ADGRF1: variants seen among roughly 807,000 people sequenced by gnomAD.
ADGRF1 encodes adhesion G protein-coupled receptor F1.
Under a neutral mutation model 87.2 loss-of-function variants are expected in ADGRF1, and 85 were observed. That is an observed-to-expected ratio of 0.97 (90% CI 0.82 to 1.17). The LOEUF (loss-of-function observed/expected upper bound fraction) is 1.17. ADGRF1 is among the 50% of genes most tolerant of loss of function. The pLI is 0.00. For synonymous variants in ADGRF1, 430 were observed against 408.8 expected (o/e 1.05, Z -0.63); for missense variants, 1,169 against 1,077.2 (o/e 1.09, Z -1.19).
At position 47,022,052 on chromosome 6, in the gene ADGRF1, C is replaced by T. The variant is rs1780073795; in HGVS notation, c.458G>A (p.Trp153Ter). The T allele has an allele frequency of 1.3e-6, 2 of 1,547,972 alleles. No homozygotes were observed. Among genetic ancestry groups the T allele is most frequent in the Non-Finnish European group, 1.8e-6 (2 of 1,141,732 alleles). ...CCTTTCATTAATTTTGAAAGTGCCC[C>T]AAATCTCTGTAGGAAATAAAAATAA... is the stretch of plus-strand genomic sequence containing the variant. ...SVNFCERTKI[W>*]GTFKINERFT... The change falls in exon 6 of 15, where the codon TGG (tryptophan) becomes TAG (stop). Residue 153 changes from tryptophan to a stop codon, truncating the protein, a stop_gained. Transcript: ENST00000371253. LOFTEE classifies it high-confidence loss of function.
At chr6:47,022,811 T>C (rs1780101754) in intron 5 of ADGRF1, among the ~76,000 whole-genome samples, 1 of 148,754 alleles carries the variant, frequency 6.7e-6, no homozygotes, top group Non-Finnish European at 1.5e-5. Flanking sequence ...TTTCTTTTTT[T>C]TTTTTTTTTT....
In ADGRF1 at chr6:47,005,860, A is replaced by C. The variant is rs1299010776; in HGVS notation, c.2549T>G (p.Phe850Cys). The change falls in exon 13 of 15, where the codon TTC becomes TGC. Residue 850 changes from phenylalanine to cysteine, a missense_variant. By Grantham distance (205) the Phe-to-Cys change is radical. Coordinates refer to ENST00000371253, the MANE Select transcript of ADGRF1 (RefSeq NM_153840.4). ...LLDSKLRQLL[F>C]NKLSALSSWK... ...AGAACTTAAGGCAGACAACTTGTTG[A>C]ACAGAAGTTGTCGCAGCTATAAGGG... 6.2e-7 allele frequency: 1 copy of C among 1,611,940 alleles called. No individual in the cohort carries two copies. The highest frequency in any genetic ancestry group is 8.5e-7 in the Non-Finnish European group (1 of 1,178,814).
intron 1 of ADGRF1, among the ~76,000 whole-genome samples, chr6:47,037,902 C>T (rs530033363): frequency 3.3e-5 from 5 of 152,128 alleles, no homozygotes; most frequent in Non-Finnish European, 1.5e-5. Flanking sequence ...GCCCTGTCAC[C>T]CAGGCTGGAG....
At chr6:47,018,533 T>C in intron 7 of ADGRF1, 2 of 1,289,782 alleles carry the variant, frequency 1.6e-6, no homozygotes, top group Non-Finnish European at 2.0e-6. Context: ...CTGCTTGTTA[T>C]AGGTTTGATT....
chr6:47,013,463 G>A, intron 9 of ADGRF1: 1 of 985,392 alleles, frequency 1.0e-6, no homozygotes, highest in East Asian at 1.1e-4. Context: ...AGCAGCAGAA[G>A]CAAGGTCTCT....
Position 47,009,715 on chromosome 6 carries a change from A to T in ADGRF1, c.1720T>A (p.Ser574Thr), listed in dbSNP as rs772183083. 6.2e-7 allele frequency: 1 copy of T among 1,614,208 alleles called. No individual in the cohort carries two copies. Among genetic ancestry groups the T allele is most frequent in the Non-Finnish European group, 8.5e-7 (1 of 1,180,034 alleles). ...AAGATTGTAGAGGGGACAAAAGGTGACATCAATATGGAGAAGGAGGTCAAG... is the reference window on the plus strand; with the variant it reads ...AAGATTGTAGAGGGGACAAAAGGTGTCATCAATATGGAGAAGGAGGTCAAG... ...THLTSFSILM[S>T]PFVPSTIFPV... Residue 574 changes from serine (S) to threonine (T), a missense_variant, in exon 11 of 15, where the codon TCA becomes ACA. By Grantham distance (58) the Ser-to-Thr change is moderately conservative. Transcript: ENST00000371253.
At chr6:47,024,020 C>A in intron 5 of ADGRF1, 24 bp downstream of exon 5, 1 of 1,606,294 alleles carries the variant, frequency 6.2e-7, no homozygotes, top group Non-Finnish European at 8.5e-7. Flanking sequence ...GAAGCCCCAG[C>A]CCAGAGCATT....
chr6:47,005,874 C>T lies in ADGRF1; in HGVS notation c.2535G>A (p.Leu845=). The change falls in exon 13 of 15, where the codon CTG becomes CTA. Residue 845 remains leucine, a splice_region_variant and synonymous_variant. Transcript: ENST00000371253. ...LCFGILLDSK[L]RQLLFNKLSA... ...ACAACTTGTTGAACAGAAGTTGTCGCAGCTATAAGGGCAACAAAGAAATAT... is the reference window on the plus strand; with the variant it reads ...ACAACTTGTTGAACAGAAGTTGTCGTAGCTATAAGGGCAACAAAGAAATAT... 1.9e-6 allele frequency: 3 copies of T among 1,609,890 alleles called. No homozygotes were observed.
intron 6 of ADGRF1, 73 bp from the exon 7 acceptor site, chr6:47,020,862 G>T: frequency 8.8e-7 from 1 of 1,138,120 alleles, no homozygotes; most frequent in South Asian, 1.3e-5. Flanking sequence ...AGCAAAAATT[G>T]ATACAGACAA....
Position 47,029,087 on chromosome 6 carries a change from C to G in ADGRF1, c.-26G>C, listed in dbSNP as rs766018691. 1.2e-5 allele frequency: 19 copies of G among 1,599,476 alleles called. No individual in the cohort carries two copies. Among genetic ancestry groups the G allele is most frequent in the Admixed American group, 8.3e-5 (5 of 60,002 alleles). On this transcript the variant is annotated 5_prime_UTR_variant, in exon 2 of 15. Coordinates refer to ENST00000371253, the MANE Select transcript of ADGRF1 (RefSeq NM_153840.4). ...TTTCCCTGGACTGAACAGCAGCAGT[C>G]GGGTGCATAGTCTGTGACTAAACAA...
chr6:47,039,372 T>C (rs953673872), intron 1 of ADGRF1, among the ~76,000 whole-genome samples: 1 of 152,264 alleles, frequency 6.6e-6, no homozygotes. Context: ...TTTAACTCTA[T>C]GAAATGCTAG....
At chr6:47,029,394 A>G (rs1433859699) in intron 1 of ADGRF1, among the ~76,000 whole-genome samples, 3 of 152,044 alleles carry the variant, frequency 2.0e-5, no homozygotes, top group Non-Finnish European at 2.9e-5. Flanking sequence ...TTAACATTGC[A>G]ATTAGGTGCA....
Position 47,009,815 on chromosome 6 carries a change from A to G in ADGRF1, c.1620T>C (p.Ser540=). 1.2e-6 allele frequency: 2 copies of G among 1,614,166 alleles called. No homozygotes were observed. Among genetic ancestry groups the G allele is most frequent in the South Asian group, 2.2e-5 (2 of 91,082 alleles). The change falls in exon 11 of 15, where the codon AGT becomes AGC. Residue 540 remains serine, a synonymous_variant. Coordinates refer to ENST00000371253, the MANE Select transcript of ADGRF1 (RefSeq NM_153840.4). ...AGCCTGCATCGTTCCACTGCAAATG[A>G]CTGAAATCCCAAAACACACAATGAG... The part of the protein sequence containing the change: ...SQPHCVFWDF[S]HLQWNDAGCH...
At chr6:47,011,470 A>C (rs550048198) in intron 10 of ADGRF1, among the ~76,000 whole-genome samples, 161 of 152,368 alleles carry the variant, frequency 1.1e-3, no homozygotes, top group Middle Eastern at 3.4e-3. Flanking sequence ...TCTTCTAGGT[A>C]CTGAGGTGAT....
At chr6:47,021,843 T>C in intron 6 of ADGRF1, 115 bp downstream of exon 6, 1 of 626,752 alleles carries the variant, frequency 1.6e-6, no homozygotes, top group Non-Finnish European at 2.8e-6. Context: ...GTTTTGTTAT[T>C]TGCTCACTGA....
At chr6:47,016,229 C>A (rs977505362) in intron 8 of ADGRF1, among the ~76,000 whole-genome samples, 3 of 151,104 alleles carry the variant, frequency 2.0e-5, no homozygotes, top group African/African-American at 7.4e-5. Context: ...TGTGTGTGTG[C>A]GTGTCTGTCT....
At chr6:47,013,458 C>A (rs1460319703) in intron 9 of ADGRF1, 1 of 985,472 alleles carries the variant, frequency 1.0e-6, no homozygotes, top group African/African-American at 1.7e-5. Flanking sequence ...ACTGCAGCAG[C>A]AGAAGCAAGG....
intron 7 of ADGRF1, chr6:47,020,011 G>A (rs1404846282): frequency 2.0e-6 from 2 of 989,754 alleles, no homozygotes; most frequent in Non-Finnish European, 2.4e-6. Context: ...GAATTATGAG[G>A]CATCATATCT....
At chr6:47,030,150 C>T (rs989825362) in intron 1 of ADGRF1, among the ~76,000 whole-genome samples, 1 of 152,186 alleles carries the variant, frequency 6.6e-6, no homozygotes, top group African/African-American at 2.4e-5. Flanking sequence ...CCACCCCACA[C>T]TGCCCTCTAA....
Sources: gnomAD v4.1 joint callset for allele counts (sites outside exome capture counted in the v4.1 genomes callset) on GRCh38, gnomAD v4.1.1 for gene constraint, MANE v1.5 for transcripts, NCBI Gene and HGNC (gene_info 2026-07-23, HGNC 2026-07-21) for gene names.